The following GPCPD1 variants were observed in gnomAD, a reference collection of about 807,000 sequenced individuals.
GPCPD1 encodes the protein glycerophosphocholine phosphodiesterase 1, also known as glycerophosphocholine phosphodiesterase GPCPD1.
GPCPD1 carries 29 observed loss-of-function variants against 89.2 expected under a neutral mutation model. The observed-to-expected ratio is 0.33, with a 90% CI of 0.24 to 0.44. The LOEUF (loss-of-function observed/expected upper bound fraction) is 0.44. Among genes scored for constraint, GPCPD1 ranks in the 20% least tolerant of loss-of-function variants. GPCPD1 has a pLI of 1.00. For missense variants in GPCPD1, 594 were observed against 808.9 expected, an observed-to-expected ratio of 0.73 and a Z score of 3.22; for synonymous variants, 258 against 266.3, an observed-to-expected ratio of 0.97 and a Z score of 0.30.
chr20:5,560,198 T>C (rs1321025367), intron 16 of GPCPD1, 122 bp from the exon 17 acceptor site: 3 of 545,108 alleles, frequency 5.5e-6, no homozygotes, highest in Non-Finnish European at 9.6e-6. Context: ...CCAACTACTA[T>C]TTTATAGATG....
intron 4 of GPCPD1, among the ~76,000 whole-genome samples, chr20:5,587,995 A>C (rs1284727338): frequency 1.3e-5 from 2 of 152,178 alleles, no homozygotes; most frequent in East Asian, 3.8e-4. Context: ...TCTCTAGCTA[A>C]ACACTTCCCT....
chr20:5,599,171 C>T (rs1190183876), intron 2 of GPCPD1, among the ~76,000 whole-genome samples: 1 of 152,172 alleles, frequency 6.6e-6, no homozygotes, highest in African/African-American at 2.4e-5. Flanking sequence ...CAGACAAACA[C>T]TAAATGCCTA....
chr20:5,551,221 T>C (rs11696239), intron 19 of GPCPD1, among the ~76,000 whole-genome samples: 22,463 of 152,202 alleles, frequency 0.15, 1,783 homozygotes, highest in South Asian at 0.19. Flanking sequence ...GCTAGAGACC[T>C]AGCGGGTCAC....
chr20:5,568,528 T>C (rs1463006868), intron 12 of GPCPD1, among the ~76,000 whole-genome samples: 3 of 152,158 alleles, frequency 2.0e-5, no homozygotes, highest in Non-Finnish European at 4.4e-5. Context: ...AATTAACTCA[T>C]TCAGGTTCAA....
At chr20:5,601,352 C>T (rs1980126520) in intron 2 of GPCPD1, among the ~76,000 whole-genome samples, 1 of 145,756 alleles carries the variant, frequency 6.9e-6, no homozygotes, top group African/African-American at 2.6e-5. Flanking sequence ...AGAGGGAGAC[C>T]CTGTTAATCT....
intron 14 of GPCPD1, 125 bp downstream of exon 14, chr20:5,566,608 A>G (rs900008368): frequency 3.2e-6 from 2 of 620,318 alleles, no homozygotes; most frequent in African/African-American, 3.7e-5. Context: ...ATAAAATTAC[A>G]TTTAGAAGGC....
At chr20:5,553,903 G>GGCCGAACAA (rs1419942374) in intron 19 of GPCPD1, among the ~76,000 whole-genome samples, 2 of 99,606 alleles carry the variant, frequency 2.0e-5, no homozygotes, top group Admixed American at 9.1e-5. Context: ...TGGAGAAGCT[G>GGCCGAACAA]CAGTTAAGGT....
chr20:5,590,393 A>G (rs866437172), intron 4 of GPCPD1, among the ~76,000 whole-genome samples: 9 of 151,954 alleles, frequency 5.9e-5, no homozygotes, highest in Admixed American at 1.3e-4. Context: ...CAATATAAAA[A>G]TTAGCCAGGC....
intron 6 of GPCPD1, among the ~76,000 whole-genome samples, chr20:5,581,737 T>C (rs1164866490): frequency 1.4e-5 from 2 of 142,532 alleles, no homozygotes; most frequent in African/African-American, 2.7e-5. Flanking sequence ...AGAGTCAAAA[T>C]AAATAAATAC....
At chr20:5,550,128 A>G (rs1247666504) in intron 19 of GPCPD1, among the ~76,000 whole-genome samples, 1 of 151,940 alleles carries the variant, frequency 6.6e-6, no homozygotes, top group Non-Finnish European at 1.5e-5. Context: ...CAGTAGACAG[A>G]GGTTGCAGTG....
chr20:5,585,748 TAAG>T (rs1224910939), intron 5 of GPCPD1: 1 of 152,376 alleles, frequency 6.6e-6, no homozygotes, highest in African/African-American at 2.4e-5. Context: ...TTAAAAAAAT[TAAG>T]AAGAAAAGAA....
chr20:5,564,001 A>G lies in GPCPD1; in HGVS notation c.1329+1016T>C, dbSNP rs545632477. On this transcript the variant is annotated intron_variant, in intron 15 of 19. Coordinates refer to ENST00000379019, the MANE Select transcript of GPCPD1 (RefSeq NM_019593.5). ...ACATAATAGTAAACTAAAACTACCT[A>G]TTTTTGCCTAAGAAATCTACTATAC... 8.5e-5 allele frequency among the ~76,000 whole-genome samples: 13 copies of G among 152,170 alleles called. No homozygotes were observed. In the East Asian group the frequency reaches 2.5e-3, roughly 29 times the overall value.
intron 15 of GPCPD1, among the ~76,000 whole-genome samples, chr20:5,564,602 G>A (rs117766423): frequency 0.015 from 2,348 of 152,240 alleles, 24 homozygotes; most frequent in Non-Finnish European, 0.026. Context: ...CTGAGGCTGG[G>A]GGACAGCGTA....
rs1980397574 is a variant in GPCPD1, at chr20:5,604,389, A to C, written c.24T>G (p.Phe8Leu). 4 of 1,563,876 alleles carry C rather than the reference A, an allele frequency of 2.6e-6. No homozygotes were observed. The highest frequency in any genetic ancestry group is 3.5e-6 in the Non-Finnish European group (4 of 1,139,172). The change falls in exon 2 of 20, where the codon TTT becomes TTG. Residue 8 changes from phenylalanine (F) to leucine (L), a missense_variant. Phe to Leu is a conservative substitution (Grantham distance 22). Transcript: ENST00000379019. The part of the protein sequence containing the change: MTPSQVA[F>L]EIRGTLLPGE... The stretch of plus-strand genomic sequence containing the variant: ...CTGGTAAAAGAGTTCCTCTTATTTC[A>C]AAGGCAACCTGAGAAGGTGTCATTC...
intron 8 of GPCPD1, among the ~76,000 whole-genome samples, chr20:5,577,053 GTTTT>G (rs752262748): frequency 8.0e-6 from 1 of 124,632 alleles, no homozygotes; most frequent in African/African-American, 3.0e-5. Flanking sequence ...AAAAAAAGTT[GTTTT>G]TTTTTTTGTT....
At chr20:5,604,539 AAAGCAATATTT>A in intron 1 of GPCPD1, 99 bp from the exon 2 acceptor site, 1 of 436,458 alleles carries the variant, frequency 2.3e-6, no homozygotes, top group African/African-American at 2.4e-5. Flanking sequence ...TATATTTTTA[AAAGCAATATTT>A]AATGTCTTTG....
chr20:5,609,231 C>A (rs1980793675), intron 1 of GPCPD1, among the ~76,000 whole-genome samples: 1 of 152,154 alleles, frequency 6.6e-6, no homozygotes, highest in South Asian at 2.1e-4. Flanking sequence ...GCCTTGGCAG[C>A]TTTGATCCTC....
chr20:5,582,062 T>G (rs1978545752), intron 6 of GPCPD1, among the ~76,000 whole-genome samples: 1 of 147,616 alleles, frequency 6.8e-6, no homozygotes, highest in South Asian at 2.1e-4. Flanking sequence ...AGCGGGCGCC[T>G]GTAGTCCCAG....
intron 4 of GPCPD1, among the ~76,000 whole-genome samples, chr20:5,590,647 A>C (rs774352853): frequency 5.9e-5 from 9 of 152,132 alleles, no homozygotes; most frequent in Non-Finnish European, 1.5e-5. Context: ...AGAGTATTCA[A>C]ATCTCAAGTT....
Sources: allele counts gnomAD v4.1 joint callset (sites outside exome capture counted in the v4.1 genomes callset), GRCh38; gene constraint gnomAD v4.1.1; transcripts MANE v1.5; gene names NCBI Gene and HGNC (gene_info 2026-07-23, HGNC 2026-07-21).